Variants in PPP1CB observed in about 807,000 individuals in gnomAD.
The protein encoded by PPP1CB is protein phosphatase 1 catalytic subunit beta.
Under a neutral mutation model 43.7 loss-of-function variants are expected in PPP1CB, and 2 were observed. The ratio of observed to expected loss-of-function variants is 0.05; its 90% CI spans 0.02 to 0.14. The LOEUF is 0.14. Ranked by LOEUF, PPP1CB falls within the 10% of genes least tolerant of loss-of-function variation. PPP1CB has a pLI of 1.00. For synonymous variants in PPP1CB, 136 were observed against 135.6 expected, an observed-to-expected ratio of 1.00 and a Z score of -0.02; for missense variants, 84 against 398.0, an observed-to-expected ratio of 0.21 and a Z score of 6.71.
intron 2 of PPP1CB, among the ~76,000 whole-genome samples, chr2:28,777,441 A>G (rs897018853): frequency 3.3e-5 from 5 of 152,208 alleles, no homozygotes; most frequent in African/African-American, 1.2e-4. Context: ...ATCATAGTAC[A>G]CTGGTTAGAA....
At chr2:28,760,620 T>A (rs935759819) in intron 1 of PPP1CB, among the ~76,000 whole-genome samples, 3 of 152,228 alleles carry the variant, frequency 2.0e-5, no homozygotes, top group African/African-American at 4.8e-5. Flanking sequence ...TGGACTTGTC[T>A]GACACCATTT....
At position 28,785,065 on chromosome 2, in the gene PPP1CB, C is replaced by CTTTTTT. The variant is rs769650329; in HGVS notation, c.592+1110_592+1115dup. Among the ~76,000 whole-genome samples, 142 of 54,992 alleles carry CTTTTTT rather than the reference C, an allele frequency of 2.6e-3. 28 individuals carry two copies. The highest frequency in any genetic ancestry group is 4.7e-3 in the South Asian group (7 of 1,476). 36.1% of individuals were successfully genotyped at this position (54,992 alleles called of 152,430 possible). A position where few individuals can be genotyped will look rare whatever the true frequency, so the allele number is the denominator to read the frequency against. ...ATGTTGTAATAAATTGTGTTAGGAGCTTTTTTTTTTTTTTTTTTTTTTTTT... is the reference window on the plus strand; with the variant it reads ...ATGTTGTAATAAATTGTGTTAGGAGCTTTTTTTTTTTTTTTTTTTTTTTTTTTTTTT... On this transcript the variant is annotated intron_variant, in intron 5 of 7. Transcript: ENST00000395366.
At chr2:28,783,313 G>A (rs972766109) in intron 4 of PPP1CB, among the ~76,000 whole-genome samples, 9 of 151,520 alleles carry the variant, frequency 5.9e-5, no homozygotes, top group Admixed American at 2.6e-4. Flanking sequence ...GGGAATGATT[G>A]GAAAAAAGAA....
intron 7 of PPP1CB, among the ~76,000 whole-genome samples, chr2:28,794,691 C>CA (rs1001184091): frequency 1.5e-4 from 22 of 147,644 alleles, no homozygotes; most frequent in Non-Finnish European, 2.8e-4. Context: ...ACTTGGCCCC[C>CA]AAAAAAAAAT....
At position 28,751,932 on chromosome 2, in the gene PPP1CB, C is replaced by A. The variant is rs1046986885; in HGVS notation, c.-193C>A. The A allele has an allele frequency of 3.9e-5, 25 of 641,116 alleles. No homozygotes were observed. Among genetic ancestry groups the A allele is most frequent in the Non-Finnish European group, 6.7e-5 (24 of 356,902 alleles). The allele number at this position is 641,116 out of a possible 1,614,324, so 39.7% of individuals were successfully genotyped here. A position where few individuals can be genotyped will look rare whatever the true frequency, so the allele number is the denominator to read the frequency against. ...TTTATTTATTTATTTTCCGTGGGTG[C>A]CTCCGAGTGTGCGCGCGCTCTCGCT... is the stretch of plus-strand genomic sequence containing the variant. On this transcript the variant is annotated 5_prime_UTR_variant, in exon 1 of 8. Transcript: ENST00000395366.
At chr2:28,782,368 C>CT (rs1438651322) in intron 4 of PPP1CB, 1 of 159,696 alleles carries the variant, frequency 6.3e-6, no homozygotes, top group Non-Finnish European at 1.4e-5. Flanking sequence ...ATGTATATGT[C>CT]TAACACCTAG....
intron 7 of PPP1CB, among the ~76,000 whole-genome samples, chr2:28,795,975 G>T (rs1353337599): frequency 6.6e-6 from 1 of 152,042 alleles, no homozygotes; most frequent in Non-Finnish European, 1.5e-5. Flanking sequence ...TTTGTGTATG[G>T]TGAAAGGGGT....
intron 1 of PPP1CB, among the ~76,000 whole-genome samples, chr2:28,758,517 T>C (rs1666541440): frequency 6.6e-6 from 1 of 152,172 alleles, no homozygotes; most frequent in South Asian, 2.1e-4. Context: ...GGATACAGAT[T>C]GATACCCTTA....
rs552632350 is a variant in PPP1CB, at chr2:28,788,850, CT to C, written c.744+49del. 124 of 1,533,160 alleles carry C rather than the reference CT, an allele frequency of 8.1e-5. No individual in the cohort carries two copies. In the African/African-American group the frequency reaches 8.6e-4, roughly 11 times the overall value. 95.0% of individuals were successfully genotyped at this position (1,533,160 alleles called of 1,614,324 possible). On this transcript the variant is annotated intron_variant, in intron 6 of 7. Transcript: ENST00000395366. ...CTCTTAAGCTTTTTCTTTTTTCTTT[CT>C]TTTTTTTGGGGGCAGACGGAGGGGC...
intron 1 of PPP1CB, among the ~76,000 whole-genome samples, chr2:28,760,285 AT>A (rs911740152): frequency 6.6e-6 from 1 of 152,226 alleles, no homozygotes; most frequent in Non-Finnish European, 1.5e-5. Context: ...ATGTTTAAAA[AT>A]TTTTTTAAGT....
intron 1 of PPP1CB, among the ~76,000 whole-genome samples, chr2:28,771,042 C>A (rs1666898622): frequency 3.6e-5 from 1 of 28,132 alleles, no homozygotes; most frequent in Non-Finnish European, 7.2e-5. Flanking sequence ...TTCCCTGCTC[C>A]CCCCCCCCCA....
At chr2:28,753,403 C>T (rs891796888) in intron 1 of PPP1CB, among the ~76,000 whole-genome samples, 5 of 152,176 alleles carry the variant, frequency 3.3e-5, no homozygotes, top group Non-Finnish European at 2.9e-5. Flanking sequence ...CTGTGAGTAC[C>T]TGTTCTGTAA....
chr2:28,796,742 C>G (rs773901187), intron 7 of PPP1CB, among the ~76,000 whole-genome samples: 1 of 152,094 alleles, frequency 6.6e-6, no homozygotes, highest in African/African-American at 2.4e-5. Flanking sequence ...ATCTTCCTCT[C>G]TTCTTATTTG....
chr2:28,787,664 A>G (rs1209767262), intron 5 of PPP1CB, among the ~76,000 whole-genome samples: 1 of 152,164 alleles, frequency 6.6e-6, no homozygotes, highest in Non-Finnish European at 1.5e-5. Context: ...GCCCTTGTTC[A>G]TGGCACATTT....
intron 4 of PPP1CB, 150 bp from the exon 5 acceptor site, chr2:28,783,757 G>GAA (rs11449670): frequency 3.6e-3 from 1,698 of 472,756 alleles, no homozygotes; most frequent in South Asian, 6.1e-3. Context: ...ATTCTGTCTC[G>GAA]AAAAAAAAAA....
chr2:28,776,806 T>C (rs1667054405), intron 1 of PPP1CB, 45 bp from the exon 2 acceptor site: 4 of 1,561,252 alleles, frequency 2.6e-6, no homozygotes, highest in Admixed American at 1.8e-5. Flanking sequence ...AAGATTATTA[T>C]GAGTAAATTT....
In PPP1CB at chr2:28,783,956, A is replaced by G. The variant is rs761532938; in HGVS notation, c.570A>G (p.Arg190=). 2.5e-6 allele frequency: 4 copies of G among 1,611,594 alleles called. No homozygotes were observed. The South Asian group carries it at 4.4e-5, about 18-fold the overall frequency. ...TGGAGCAGATTCGGAGAATTATGAG[A>G]CCTACTGATGTCCCTGATACAGGTA... ...QSMEQIRRIM[R]PTDVPDTGLL... Residue 190 remains arginine, a synonymous_variant, in exon 5 of 8, where the codon AGA becomes AGG. Transcript: ENST00000395366.
At position 28,752,055 on chromosome 2, in the gene PPP1CB, C is replaced by T. The variant is rs1217895383; in HGVS notation, c.-70C>T. On this transcript the variant is annotated 5_prime_UTR_variant, in exon 1 of 8. Transcript: ENST00000395366. ...ACTTGTAGGTGAGAGAACGCCGAGCCGTCGCCGCAGCCTCCGCCGCCGAGA... is the reference window on the plus strand; with the variant it reads ...ACTTGTAGGTGAGAGAACGCCGAGCTGTCGCCGCAGCCTCCGCCGCCGAGA... The T allele has an allele frequency of 3.6e-5, 52 of 1,448,048 alleles. No homozygotes were observed. The highest frequency in any genetic ancestry group is 1.4e-4 in the Admixed American group (7 of 50,798). The allele number at this position is 1,448,048 out of a possible 1,614,324, so 89.7% of individuals were successfully genotyped here.
At chr2:28,797,726 A>T (rs760397469) in intron 7 of PPP1CB, among the ~76,000 whole-genome samples, 7 of 152,048 alleles carry the variant, frequency 4.6e-5, no homozygotes, top group African/African-American at 9.7e-5. Flanking sequence ...ATCTTTTCTT[A>T]ATCTAGCTAG....
Sources: allele counts gnomAD v4.1 joint callset (sites outside exome capture counted in the v4.1 genomes callset), GRCh38; gene constraint gnomAD v4.1.1; transcripts MANE v1.5; gene names NCBI Gene and HGNC (gene_info 2026-07-23, HGNC 2026-07-21).